Variants in SLC39A6 observed in about 807,000 individuals in gnomAD.
SLC39A6 encodes the protein zinc transporter ZIP6.
A neutral mutation model predicts 63.5 loss-of-function variants in SLC39A6; 51 were observed. The observed-to-expected ratio is 0.80, with a 90% CI of 0.64 to 1.01. The LOEUF (loss-of-function observed/expected upper bound fraction) is 1.01, where lower values mean the gene tolerates loss of function less well. SLC39A6 is among the 50% of genes least tolerant of loss of function. The pLI is 0.00. For missense variants in SLC39A6, 805 were observed against 927.8 expected, an observed-to-expected ratio of 0.87 and a Z score of 1.72; for synonymous variants, 318 against 324.7, an observed-to-expected ratio of 0.98 and a Z score of 0.22.
At chr18:36,112,448 G>T in intron 8 of SLC39A6, 53 bp downstream of exon 8, 1 of 1,314,124 alleles carries the variant, frequency 7.6e-7, no homozygotes, top group South Asian at 1.2e-5. Context: ...AAAAGCCAGT[G>T]ACACTAGAAC....
intron 5 of SLC39A6, among the ~76,000 whole-genome samples, chr18:36,118,002 G>A (rs2089361325): frequency 6.6e-6 from 1 of 150,510 alleles, no homozygotes; most frequent in South Asian, 2.1e-4. Flanking sequence ...CTGCACTCCA[G>A]CCGGGGCGAC....
intron 1 of SLC39A6, among the ~76,000 whole-genome samples, chr18:36,128,753 G>A (rs1229135615): frequency 6.6e-6 from 1 of 152,122 alleles, no homozygotes; most frequent in South Asian, 2.1e-4. Flanking sequence ...AAGCAGAAGG[G>A]AAGGGCCTTA....
intron 6 of SLC39A6, among the ~76,000 whole-genome samples, chr18:36,115,284 A>G (rs2089334783): frequency 6.6e-6 from 1 of 152,088 alleles, no homozygotes; most frequent in Non-Finnish European, 1.5e-5. Context: ...TACTAAAAAT[A>G]CAAAAAAAAT....
intron 5 of SLC39A6, among the ~76,000 whole-genome samples, chr18:36,121,032 G>A (rs576421875): frequency 6.6e-6 from 1 of 151,938 alleles, no homozygotes; most frequent in Non-Finnish European, 1.5e-5. Flanking sequence ...AAAAAGAAAC[G>A]ATACAGAATA....
At position 36,124,547 on chromosome 18, in the gene SLC39A6, G is replaced by A; in HGVS notation, c.943C>T (p.Pro315Ser). The change falls in exon 3 of 10, where the codon CCT becomes TCT. Residue 315 changes from proline (P) to serine (S), a missense_variant. Transcript: ENST00000269187. The part of the protein sequence containing the change: ...IHTSEKKAEI[P>S]PKTYSLQIAW... The stretch of plus-strand genomic sequence containing the variant: ...ATTTGTAATGAATAGGTCTTTGGAG[G>A]GATTTCAGCCTTCTTTTCACTTGTA... 1 of 1,564,958 alleles carries A rather than the reference G, an allele frequency of 6.4e-7. No homozygotes were observed. Among genetic ancestry groups the A allele is most frequent in the Non-Finnish European group, 8.8e-7 (1 of 1,142,512 alleles).
rs559770656 is a variant in SLC39A6, at chr18:36,120,881, C to T, written c.1359+1171G>A. Among the ~76,000 whole-genome samples the T allele has an allele frequency of 3.9e-5, 6 of 152,282 alleles. No homozygotes were observed. The East Asian group carries it at 1.2e-3, about 29-fold the overall frequency. Reference sequence around the variant, plus strand: ...AAAAAAGATATCAAATTACGTAAGGCTACCACTGAATAAATTTTTTTTTTA... The same window carrying T: ...AAAAAAGATATCAAATTACGTAAGGTTACCACTGAATAAATTTTTTTTTTA... On this transcript the variant is annotated intron_variant, in intron 5 of 9. Transcript: ENST00000269187.
intron 6 of SLC39A6, among the ~76,000 whole-genome samples, chr18:36,115,028 A>AT (rs1417424751): frequency 6.6e-6 from 1 of 152,012 alleles, no homozygotes; most frequent in Non-Finnish European, 1.5e-5. Context: ...CAATAAGGTT[A>AT]TTTTTTTTCT....
chr18:36,112,393 A>G (rs1337091887), intron 8 of SLC39A6, 108 bp downstream of exon 8: 1 of 772,870 alleles, frequency 1.3e-6, no homozygotes, highest in Non-Finnish European at 2.3e-6. Flanking sequence ...CAGACTTATG[A>G]GAAGGCATGA....
chr18:36,124,471 T>A, intron 3 of SLC39A6, 49 bp downstream of exon 3: 4 of 1,236,592 alleles, frequency 3.2e-6, no homozygotes, highest in Non-Finnish European at 4.5e-6. Flanking sequence ...AAAAGCACAA[T>A]ATAAATGAAT....
chr18:36,128,175 C>A (rs2089462412), intron 1 of SLC39A6, among the ~76,000 whole-genome samples: 1 of 152,158 alleles, frequency 6.6e-6, no homozygotes. Context: ...TTCAGTTAAG[C>A]AGAGCCAGAA....
rs538028430 is a variant in SLC39A6, at chr18:36,109,895, A to C, written c.2116-150T>G. On this transcript the variant is annotated intron_variant, in intron 9 of 9. Coordinates refer to ENST00000269187, the MANE Select transcript of SLC39A6 (RefSeq NM_012319.4). ...TTCCTTAAAACATGATTACATACAT[A>C]CTGACTCTAGCTAACAATGTCACAC... 12 of 587,046 alleles carry C rather than the reference A, an allele frequency of 2.0e-5. No individual in the cohort carries two copies. The South Asian group carries it at 2.7e-4, about 13-fold the overall frequency. 36.4% of individuals were successfully genotyped at this position (587,046 alleles called of 1,614,324 possible).
At position 36,123,448 on chromosome 18, in the gene SLC39A6, T is replaced by TC. The variant is rs781297000; in HGVS notation, c.1140+46dup. On this transcript the variant is annotated intron_variant, in intron 4 of 9. Coordinates refer to ENST00000269187, the MANE Select transcript of SLC39A6 (RefSeq NM_012319.4). ...TAGCATAAACCAAAACATTTTTTTT[T>TC]CAATGTTGAATAATCAAACACTAAC... is the stretch of plus-strand genomic sequence containing the variant. The TC allele has an allele frequency of 2.3e-5, 34 of 1,480,756 alleles. 1 individual carries two copies. The South Asian group carries it at 4.6e-4, about 20-fold the overall frequency. 91.7% of individuals were successfully genotyped at this position (1,480,756 alleles called of 1,614,324 possible).
intron 2 of SLC39A6, among the ~76,000 whole-genome samples, chr18:36,125,485 C>A (rs1296191838): frequency 1.3e-5 from 2 of 152,160 alleles, no homozygotes; most frequent in African/African-American, 4.8e-5. Context: ...ACCAGGGCTG[C>A]TATGGCTATG....
intron 2 of SLC39A6, among the ~76,000 whole-genome samples, chr18:36,125,595 C>T (rs984272238): frequency 1.0e-4 from 15 of 150,264 alleles, no homozygotes; most frequent in Non-Finnish European, 1.8e-4. Flanking sequence ...ATTCCTTGTT[C>T]CTTTTTTTTT....
At chr18:36,113,259 T>TA (rs2089316027) in intron 7 of SLC39A6, among the ~76,000 whole-genome samples, 1 of 151,762 alleles carries the variant, frequency 6.6e-6, no homozygotes, top group Non-Finnish European at 1.5e-5. Flanking sequence ...CATACCTGGC[T>TA]AATTTTTTTT....
intron 5 of SLC39A6, among the ~76,000 whole-genome samples, chr18:36,121,776 G>A (rs1338507255): frequency 6.6e-6 from 1 of 152,116 alleles, no homozygotes; most frequent in Non-Finnish European, 1.5e-5. Context: ...GGCCCTGCTG[G>A]TACCTTGTCT....
In SLC39A6 at chr18:36,126,508, T is replaced by C. The variant is rs555746124; in HGVS notation, c.500A>G (p.His167Arg). The C allele has an allele frequency of 8.7e-6, 14 of 1,614,250 alleles. No homozygotes were observed. The South Asian group carries it at 1.2e-4, about 14-fold the overall frequency. Residue 167 changes from histidine to arginine, a missense_variant, in exon 2 of 10, where the codon CAC (histidine) becomes CGC (arginine). Physicochemically the swap from His to Arg is conservative, Grantham distance 29 (BLOSUM62 0). Coordinates refer to ENST00000269187, the MANE Select transcript of SLC39A6 (RefSeq NM_012319.4). ...DPRNSQGKGA[H>R]RPEHASGRRN... Reference sequence around the variant, plus strand: ...TCTACCACTGGCATGTTCTGGTCGGTGAGCTCCTTTCCCCTGGCTGTTTCT... The same window carrying C: ...TCTACCACTGGCATGTTCTGGTCGGCGAGCTCCTTTCCCCTGGCTGTTTCT...
chr18:36,114,343 G>A lies in SLC39A6; in HGVS notation c.1597C>T (p.Pro533Ser). Residue 533 changes from proline to serine, a missense_variant, in exon 7 of 10, where the codon CCC becomes TCC. By Grantham distance (74) the Pro-to-Ser change is moderately conservative. Around this residue, in one of 4 missense-constraint regions of SLC39A6, gnomAD observed 639 missense variants for 644.0 expected, o/e 0.99. Coordinates refer to ENST00000269187, the MANE Select transcript of SLC39A6 (RefSeq NM_012319.4). ...TGGCATTTATTCTTGCACCCTCTGG[G>A]TACATATTCATTGTAGACTTCCTGT... is the stretch of plus-strand genomic sequence containing the variant. ...HPQEVYNEYV[P>S]RGCKNKCHSH... 1.2e-6 allele frequency: 2 copies of A among 1,614,172 alleles called. No individual in the cohort carries two copies. Among genetic ancestry groups the A allele is most frequent in the South Asian group, 2.2e-5 (2 of 91,088 alleles).
chr18:36,125,687 G>C (rs1344145125), intron 2 of SLC39A6, among the ~76,000 whole-genome samples: 1 of 151,964 alleles, frequency 6.6e-6, no homozygotes, highest in Non-Finnish European at 1.5e-5. Flanking sequence ...AAAACCACAT[G>C]AACTCAGAAC....
Sources: gnomAD v4.1 joint callset for allele counts (sites outside exome capture counted in the v4.1 genomes callset) on GRCh38, gnomAD v4.1.1 for gene constraint, gnomAD v4.1.1 regional missense constraint, MANE v1.5 for transcripts, NCBI Gene and HGNC (gene_info 2026-07-23, HGNC 2026-07-21) for gene names.